HTR2B: variants seen among roughly 807,000 people sequenced by gnomAD.
HTR2B encodes the protein 5-HT 2B receptor.
In HTR2B, 31 loss-of-function variants were observed where a neutral mutation model predicts 39.8. That is an observed-to-expected ratio of 0.78 (90% CI 0.58 to 1.05). HTR2B has a LOEUF of 1.05. HTR2B is among the 50% of genes least tolerant of loss of function. HTR2B has a pLI of 0.00. For missense variants in HTR2B, 562 were observed against 578.0 expected, an observed-to-expected ratio of 0.97 and a Z score of 0.28; for synonymous variants, 210 against 207.1, an observed-to-expected ratio of 1.01 and a Z score of -0.12.
At chr2:231,112,314 G>T (rs1356925567) in intron 3 of HTR2B, among the ~76,000 whole-genome samples, 3 of 152,122 alleles carry the variant, frequency 2.0e-5, no homozygotes, top group Admixed American at 6.6e-5. Context: ...AGCTGCTTTT[G>T]GGGGGCTGGT....
In HTR2B at chr2:231,123,436, A is replaced by T. The variant is rs770406210; in HGVS notation, c.329T>A (p.Ile110Asn). The T allele has an allele frequency of 5.0e-6, 8 of 1,613,774 alleles. No individual in the cohort carries two copies. The highest frequency in any genetic ancestry group is 6.8e-6 in the Non-Finnish European group (8 of 1,179,784). The change falls in exon 2 of 4, where the codon ATT (isoleucine) becomes AAT (asparagine). Residue 110 changes from isoleucine to asparagine, a missense_variant. Coordinates refer to ENST00000258400, the MANE Select transcript of HTR2B (RefSeq NM_000867.5). Reference sequence around the variant, plus strand: ...ACCAAACATTATTGTCAAGAGGGCAATTGGCATCACAAACAATCCAACCAG... The same window carrying T: ...ACCAAACATTATTGTCAAGAGGGCATTTGGCATCACAAACAATCCAACCAG... The part of the protein sequence containing the change: ...DLLVGLFVMP[I>N]ALLTIMFEAM...
chr2:231,109,771 C>G (rs958072265), intron 3 of HTR2B, among the ~76,000 whole-genome samples: 2 of 152,058 alleles, frequency 1.3e-5, no homozygotes, highest in African/African-American at 4.8e-5. Context: ...AGAAGAGAAC[C>G]TGCTTTTTTC....
chr2:231,115,515 GAT>G (rs1430169192), intron 2 of HTR2B, among the ~76,000 whole-genome samples: 8 of 152,110 alleles, frequency 5.3e-5, no homozygotes, highest in Admixed American at 5.2e-4. Flanking sequence ...CTTAAAAAGG[GAT>G]TAAAGCATCA....
chr2:231,124,063 T>TTCTC lies in HTR2B; in HGVS notation c.-303_-300dup, dbSNP rs539375848. On this transcript the variant is annotated 5_prime_UTR_variant, in exon 2 of 4. An upstream open reading frame in the 5' UTR loses its in-frame stop. Coordinates refer to ENST00000258400, the MANE Select transcript of HTR2B (RefSeq NM_000867.5). The stretch of plus-strand genomic sequence containing the variant: ...AATAGGATATATATATATTTTTAGT[T>TTCTC]TCTCTCTCTCTCTTTTTCTGCCGTA... 1 of 312,120 alleles carries TTCTC rather than the reference T, an allele frequency of 3.2e-6. No homozygotes were observed. Among genetic ancestry groups the TTCTC allele is most frequent in the Admixed American group, 4.4e-5 (1 of 22,734 alleles). The allele number at this position is 312,120 out of a possible 1,614,324, so 19.3% of individuals were successfully genotyped here.
At chr2:231,118,739 C>T (rs528147184) in intron 2 of HTR2B, among the ~76,000 whole-genome samples, 12 of 152,034 alleles carry the variant, frequency 7.9e-5, no homozygotes, top group African/African-American at 7.2e-5. Flanking sequence ...ACTATTTGTC[C>T]GGAAAATAAT....
chr2:231,121,968 G>T (rs1240218684), intron 2 of HTR2B, among the ~76,000 whole-genome samples: 1 of 134,352 alleles, frequency 7.4e-6, no homozygotes, highest in South Asian at 2.3e-4. Context: ...TCATATGCCT[G>T]TACAGTATTT....
rs769686079 is a variant in HTR2B at position 231,123,748 on chromosome 2, CTG to C, written c.15_16del (p.Tyr5Ter). 1.4e-5 allele frequency: 22 copies of C among 1,613,604 alleles called. No individual in the cohort carries two copies. In the Admixed American group the frequency reaches 3.7e-4, roughly 27 times the overall value. On this transcript the variant is annotated stop_gained and frameshift_variant, in exon 2 of 4. Coordinates refer to ENST00000258400, the MANE Select transcript of HTR2B (RefSeq NM_000867.5). LOFTEE classifies it high-confidence loss of function. ...AATTGTGCTTTGAAGTTCAGACACT[CTG>C]TAAGAGAGAGCCATTTGCTGTTTTT...
At chr2:231,112,314 G>A (rs1356925567) in intron 3 of HTR2B, among the ~76,000 whole-genome samples, 2 of 152,122 alleles carry the variant, frequency 1.3e-5, no homozygotes, top group Non-Finnish European at 2.9e-5. Flanking sequence ...AGCTGCTTTT[G>A]GGGGGCTGGT....
At chr2:231,119,459 C>A (rs1695455397) in intron 2 of HTR2B, among the ~76,000 whole-genome samples, 1 of 152,168 alleles carries the variant, frequency 6.6e-6, no homozygotes, top group Non-Finnish European at 1.5e-5. Context: ...CACGGGAGAA[C>A]CAGGATTCAG....
At position 231,108,761 on chromosome 2, in the gene HTR2B, GC is replaced by G; in HGVS notation, c.1201del (p.Ala401ProfsTer5). ...FGRYITCNYR[A>X]TKSVKTLRKR... The stretch of plus-strand genomic sequence containing the variant: ...TCTGAGAGTTTTTACTGACTTTGTG[GC>G]CCGGTAATTGCAGGTGATATATCGG... On this transcript the variant is annotated frameshift_variant, in exon 4 of 4. Transcript: ENST00000258400. LOFTEE classifies it high-confidence loss of function. 6.2e-7 allele frequency: 1 copy of G among 1,614,096 alleles called. No individual in the cohort carries two copies. The highest frequency in any genetic ancestry group is 8.5e-7 in the Non-Finnish European group (1 of 1,180,012).
chr2:231,121,147 T>A (rs760655223), intron 2 of HTR2B, among the ~76,000 whole-genome samples: 7 of 152,224 alleles, frequency 4.6e-5, no homozygotes, highest in Non-Finnish European at 2.9e-5. Context: ...TGTTCATTTT[T>A]TAAAAATCTA....
intron 3 of HTR2B, among the ~76,000 whole-genome samples, chr2:231,110,307 A>G (rs1339919187): frequency 1.3e-5 from 2 of 152,166 alleles, no homozygotes; most frequent in African/African-American, 2.4e-5. Context: ...GCGACAAAGT[A>G]AGACTCTGTC....
intron 2 of HTR2B, among the ~76,000 whole-genome samples, chr2:231,115,120 G>A (rs1278170026): frequency 1.3e-5 from 2 of 151,966 alleles, no homozygotes; most frequent in Non-Finnish European, 1.5e-5. Context: ...AGAACAACAA[G>A]AGACTCTTCT....
chr2:231,122,640 A>T (rs1052662926), intron 2 of HTR2B, among the ~76,000 whole-genome samples: 5 of 152,156 alleles, frequency 3.3e-5, no homozygotes, highest in African/African-American at 1.2e-4. Context: ...TAGAGATGAT[A>T]TGCAGAAATC....
intron 2 of HTR2B, 69 bp from the exon 3 acceptor site, chr2:231,113,998 AG>A: frequency 8.2e-7 from 1 of 1,224,752 alleles, no homozygotes; most frequent in South Asian, 1.2e-5. Flanking sequence ...ACAGTTTTTC[AG>A]GTGATACATC....
At chr2:231,113,617 G>A in intron 3 of HTR2B, 112 bp downstream of exon 3, 1 of 890,960 alleles carries the variant, frequency 1.1e-6, no homozygotes, top group Non-Finnish European at 1.9e-6. Flanking sequence ...GTATCAGTAG[G>A]CTGGCTTGAC....
rs1695109913 is a variant in HTR2B at position 231,110,228 on chromosome 2, G to C, written c.554-819C>G. ...CCAGCTACTCAGGAGGCTAAGGTGG[G>C]AGAATCACTTGAACCCAGGAGGCCG... On this transcript the variant is annotated intron_variant, in intron 3 of 3. Transcript: ENST00000258400. Among the ~76,000 whole-genome samples, 7 of 152,200 alleles carry C rather than the reference G, an allele frequency of 4.6e-5. No homozygotes were observed. The South Asian group carries it at 1.5e-3, about 32-fold the overall frequency.
At position 231,109,166 on chromosome 2, in the gene HTR2B, G is replaced by C. The variant is rs770427725; in HGVS notation, c.797C>G (p.Thr266Arg). ...PQRLTWLTVSTVFQRDETPCS... is the reference protein window; with the variant it reads ...PQRLTWLTVSRVFQRDETPCS... ...AGGTGTTTCATCCCTTTGGAAAACT[G>C]TAGACACAGTCAACCATGTTAGGCG... The change falls in exon 4 of 4, where the codon ACA becomes AGA. Residue 266 changes from threonine to arginine, a missense_variant. By Grantham distance (71) the Thr-to-Arg change is moderately conservative. Coordinates refer to ENST00000258400, the MANE Select transcript of HTR2B (RefSeq NM_000867.5). The C allele has an allele frequency of 4.3e-6, 7 of 1,614,070 alleles. No individual in the cohort carries two copies. The highest frequency in any genetic ancestry group is 1.7e-5 in the Admixed American group (1 of 59,996).
At chr2:231,116,495 T>C (rs1559237422) in intron 2 of HTR2B, among the ~76,000 whole-genome samples, 1 of 152,046 alleles carries the variant, frequency 6.6e-6, no homozygotes, top group African/African-American at 2.4e-5. Flanking sequence ...AGTTATGGAT[T>C]ATACTTCTGA....
Sources: allele counts gnomAD v4.1 joint callset (sites outside exome capture counted in the v4.1 genomes callset), GRCh38; gene constraint gnomAD v4.1.1; transcripts MANE v1.5; gene names NCBI Gene and HGNC (gene_info 2026-07-23, HGNC 2026-07-21).